The following HDLBP variants were observed in gnomAD, a reference collection of about 807,000 sequenced individuals.
HDLBP encodes the protein high density lipoprotein binding protein.
In HDLBP, 30 loss-of-function variants were observed where a neutral mutation model predicts 137.3. The observed-to-expected ratio is 0.22, with a 90% CI of 0.16 to 0.30. The LOEUF (loss-of-function observed/expected upper bound fraction) is 0.30, where lower values mean the gene tolerates loss of function less well. Among genes scored for constraint, HDLBP ranks in the 10% least tolerant of loss-of-function variants. The probability of loss-of-function intolerance (pLI) is 1.00; values close to 1 mark genes in which losing one functional copy is unlikely to be tolerated. For synonymous variants in HDLBP, 606 were observed against 596.0 expected (o/e 1.02, Z -0.24); for missense variants, 1,119 against 1,667.3 (o/e 0.67, Z 5.73).
Position 241,247,044 on chromosome 2 carries a change from A to C in HDLBP, c.1818+12T>G. 1 of 1,603,936 alleles carries C rather than the reference A, an allele frequency of 6.2e-7. No homozygotes were observed. The highest frequency in any genetic ancestry group is 8.5e-7 in the Non-Finnish European group (1 of 1,170,730). Reference sequence around the variant, plus strand: ...GGCAAGAAGAAGCAAGATGCAGCGGACAAGTTATCACCTTTTTAATGTTTG... The same window carrying C: ...GGCAAGAAGAAGCAAGATGCAGCGGCCAAGTTATCACCTTTTTAATGTTTG... On this transcript the variant is annotated intron_variant, in intron 15 of 27. Coordinates refer to ENST00000310931, the MANE Select transcript of HDLBP (RefSeq NM_005336.6).
rs777871425 is a variant in HDLBP at position 241,256,295 on chromosome 2, C to T, written c.762G>A (p.Thr254=). 13 of 1,613,960 alleles carry T rather than the reference C, an allele frequency of 8.1e-6. No homozygotes were observed. Among genetic ancestry groups the T allele is most frequent in the African/African-American group, 4.0e-5 (3 of 74,892 alleles). The part of the protein sequence containing the change: ...LVGEIMQETG[T]RINIPPPSVN... ...CGCTGGGTGGGGGGATGTTGATGCG[C>T]GTGCCTGTCTCCTGCATGATCTCGC... Residue 254 remains threonine (T), a synonymous_variant, in exon 7 of 28, where the codon ACG becomes ACA. Coordinates refer to ENST00000310931, the MANE Select transcript of HDLBP (RefSeq NM_005336.6).
In HDLBP at chr2:241,249,533, T is replaced by C. The variant is rs528889188; in HGVS notation, c.1512+308A>G. On this transcript the variant is annotated intron_variant, in intron 12 of 27. Coordinates refer to ENST00000310931, the MANE Select transcript of HDLBP (RefSeq NM_005336.6). ...TGGGATGCCTTTGAGAATCCAGAAA[T>C]GTCTGTCACAATCTCTGGAGATGGT... The C allele has an allele frequency of 9.2e-6, 5 of 543,778 alleles. No homozygotes were observed. The African/African-American group carries it at 9.4e-5, about 10-fold the overall frequency. The allele number at this position is 543,778 out of a possible 1,614,324, so 33.7% of individuals were successfully genotyped here. A position where few individuals can be genotyped will look rare whatever the true frequency, so the allele number is the denominator to read the frequency against.
chr2:241,297,424 T>C (rs151262240), intron 1 of HDLBP, among the ~76,000 whole-genome samples: 124 of 152,258 alleles, frequency 8.1e-4, no homozygotes, highest in African/African-American at 2.7e-3. Context: ...TGCTACTACA[T>C]TGGAAATGGG....
rs982874812 is a variant in HDLBP at position 241,312,223 on chromosome 2, C to A, written c.-103+3347G>T. On this transcript the variant is annotated intron_variant, in intron 1 of 27. Transcript: ENST00000310931. ...AGTCAATGTATTCTTACCAAATTAACAACAAGTATCAACAAGATGACTAAC... is the reference window on the plus strand; with the variant it reads ...AGTCAATGTATTCTTACCAAATTAAAAACAAGTATCAACAAGATGACTAAC... Among the ~76,000 whole-genome samples, 5 of 152,102 alleles carry A rather than the reference C, an allele frequency of 3.3e-5. No individual in the cohort carries two copies. In the East Asian group the frequency reaches 9.6e-4, roughly 29 times the overall value.
At chr2:241,236,986 G>T (rs200421874) in intron 20 of HDLBP, among the ~76,000 whole-genome samples, 9 of 150,370 alleles carry the variant, frequency 6.0e-5, no homozygotes, top group South Asian at 2.2e-4. Context: ...TTGGGGGGGG[G>T]GGGGGGGGCG....
chr2:241,261,039 C>CAAA (rs11382181), intron 5 of HDLBP, among the ~76,000 whole-genome samples: 1 of 149,798 alleles, frequency 6.7e-6, no homozygotes, highest in African/African-American at 2.5e-5. Context: ...AAAAAACAAA[C>CAAA]AAAAAAAAAG....
At chr2:241,257,052 A>T (rs2072680059) in intron 5 of HDLBP, among the ~76,000 whole-genome samples, 3 of 152,192 alleles carry the variant, frequency 2.0e-5, no homozygotes, top group South Asian at 4.1e-4. Context: ...TACACCCACA[A>T]AGGGAGACAA....
chr2:241,255,635 G>T, intron 7 of HDLBP, 55 bp from the exon 8 acceptor site: 1 of 1,399,096 alleles, frequency 7.1e-7, no homozygotes, highest in Admixed American at 1.7e-5. Context: ...GAAGCGGGCA[G>T]GTGGGCATGG....
At chr2:241,284,497 T>C (rs62186397) in intron 1 of HDLBP, among the ~76,000 whole-genome samples, 48,852 of 152,190 alleles carry the variant, frequency 0.32, 8,572 homozygotes, top group East Asian at 0.51. Context: ...AGATAGAATC[T>C]ACTCAGGAAG....
At chr2:241,273,673 G>T (rs1268153827) in intron 1 of HDLBP, 1 of 985,124 alleles carries the variant, frequency 1.0e-6, no homozygotes, top group Non-Finnish European at 1.2e-6. Flanking sequence ...TAGGGCACAG[G>T]ATCAACTACA....
chr2:241,290,061 A>C (rs1252142381), intron 1 of HDLBP, among the ~76,000 whole-genome samples: 1 of 152,234 alleles, frequency 6.6e-6, no homozygotes, highest in East Asian at 1.9e-4. Context: ...AAAAGGTAGA[A>C]GGAAAGCCTC....
intron 15 of HDLBP, 65 bp from the exon 16 acceptor site, chr2:241,246,948 G>T: frequency 6.3e-7 from 1 of 1,593,704 alleles, no homozygotes; most frequent in Non-Finnish European, 8.6e-7. Context: ...ACACAGTTGA[G>T]CACAGGGCTA....
At chr2:241,229,784 G>GCCCCCCC in intron 27 of HDLBP, 49 bp downstream of exon 27, 1 of 1,502,548 alleles carries the variant, frequency 6.7e-7, no homozygotes, top group South Asian at 1.2e-5. Context: ...AAGCCCGCCT[G>GCCCCCCC]CCCGCCCACC....
At chr2:241,281,356 A>T (rs2074595753) in intron 1 of HDLBP, among the ~76,000 whole-genome samples, 1 of 150,966 alleles carries the variant, frequency 6.6e-6, no homozygotes, top group South Asian at 2.1e-4. Context: ...CTCCGTCTTA[A>T]AAATAAATAA....
At chr2:241,294,567 CT>C (rs1320618115) in intron 1 of HDLBP, among the ~76,000 whole-genome samples, 4 of 152,170 alleles carry the variant, frequency 2.6e-5, no homozygotes, top group African/African-American at 9.7e-5. Context: ...TCAAGCCATC[CT>C]TTCCACCTCA....
chr2:241,258,911 C>T (rs77359575), intron 5 of HDLBP, among the ~76,000 whole-genome samples: 17 of 152,310 alleles, frequency 1.1e-4, no homozygotes, highest in Admixed American at 8.5e-4. Flanking sequence ...GGAAATTTAG[C>T]ATCCGATGGC....
rs2070245068 is a variant in HDLBP at position 241,235,105 on chromosome 2, G to C, written c.3144+16C>G. The C allele has an allele frequency of 3.7e-6, 6 of 1,610,238 alleles. No homozygotes were observed. Among genetic ancestry groups the C allele is most frequent in the Non-Finnish European group, 5.1e-6 (6 of 1,179,632 alleles). On this transcript the variant is annotated intron_variant, in intron 23 of 27. Coordinates refer to ENST00000310931, the MANE Select transcript of HDLBP (RefSeq NM_005336.6). ...CACCATGGCTCTGGGCAGTGCCCCGGCCACCTCCTGCTCACCCGGTCCTCC... is the reference window on the plus strand; with the variant it reads ...CACCATGGCTCTGGGCAGTGCCCCGCCCACCTCCTGCTCACCCGGTCCTCC...
chr2:241,238,897 G>A lies in HDLBP; in HGVS notation c.2611-110C>T, dbSNP rs1285343399. On this transcript the variant is annotated intron_variant, in intron 19 of 27. Coordinates refer to ENST00000310931, the MANE Select transcript of HDLBP (RefSeq NM_005336.6). This position sits in a 1 kb window ranked among gnomAD's most constrained non-coding sequence, Gnocchi z 4.9. Reference sequence around the variant, plus strand: ...TCCTCCCTGTCCTCTACAGCCACTTGGCACAGATGCTCCCCTTCTCCCGAG... The same window carrying A: ...TCCTCCCTGTCCTCTACAGCCACTTAGCACAGATGCTCCCCTTCTCCCGAG... 11 of 828,386 alleles carry A rather than the reference G, an allele frequency of 1.3e-5. No homozygotes were observed. The African/African-American group carries it at 1.7e-4, about 13-fold the overall frequency. 51.3% of individuals were successfully genotyped at this position (828,386 alleles called of 1,614,324 possible). A position where few individuals can be genotyped will look rare whatever the true frequency, so the allele number is the denominator to read the frequency against.
At chr2:241,283,134 T>C (rs2074670346) in intron 1 of HDLBP, among the ~76,000 whole-genome samples, 1 of 152,218 alleles carries the variant, frequency 6.6e-6, no homozygotes, top group African/African-American at 2.4e-5. Context: ...TTGAGTGGTC[T>C]GGCTAGAAGA....
Sources: gnomAD v4.1 joint callset for allele counts (sites outside exome capture counted in the v4.1 genomes callset) on GRCh38, gnomAD v4.1.1 for gene constraint, Gnocchi (gnomAD v3.1) non-coding constraint, MANE v1.5 for transcripts, NCBI Gene and HGNC (gene_info 2026-07-23, HGNC 2026-07-21) for gene names.